Variants in COL25A1 observed in about 807,000 individuals in gnomAD.
COL25A1 encodes the protein collagen type XXV alpha 1 chain.
In COL25A1, 103 loss-of-function variants were observed where a neutral mutation model predicts 128.4. The observed-to-expected ratio is 0.80, with a 90% CI of 0.68 to 0.94. COL25A1 has a LOEUF of 0.94. Ranked by LOEUF, COL25A1 falls within the 40% of genes least tolerant of loss-of-function variation. The probability of loss-of-function intolerance (pLI) is 0.00; values close to 1 mark genes in which losing one functional copy is unlikely to be tolerated. For synonymous variants in COL25A1, 279 were observed against 277.2 expected, an observed-to-expected ratio of 1.01 and a Z score of -0.06; for missense variants, 745 against 840.0, an observed-to-expected ratio of 0.89 and a Z score of 1.40.
At position 109,051,616 on chromosome 4, in the gene COL25A1, T is replaced by TACACACACACACAC. The variant is rs757614145; in HGVS notation, c.368-1438_368-1437insGTGTGTGTGTGTGT. Among the ~76,000 whole-genome samples, 315 of 112,424 alleles carry TACACACACACACAC rather than the reference T, an allele frequency of 2.8e-3. 2 individuals carry two copies. The highest frequency in any genetic ancestry group is 9.1e-3 in the Middle Eastern group (2 of 220). The allele number at this position is 112,424 out of a possible 152,430, so 73.8% of individuals were successfully genotyped here. On this transcript the variant is annotated intron_variant, in intron 3 of 37. Transcript: ENST00000399132. ...GTTAATACATCTGTTCAAACACACATACATACACACACACACACACACACA... is the reference window on the plus strand; with the variant it reads ...GTTAATACATCTGTTCAAACACACATACACACACACACACACATACACACACACACACACACACA...
intron 19 of COL25A1, among the ~76,000 whole-genome samples, chr4:108,882,321 T>C (rs2125831964): frequency 6.6e-6 from 1 of 151,586 alleles, no homozygotes; most frequent in East Asian, 2.0e-4. Flanking sequence ...ACTCTCTCTC[T>C]CCAAGAAAGT....
At chr4:109,161,894 G>A in intron 3 of COL25A1, among the ~76,000 whole-genome samples, 1 of 152,172 alleles carries the variant, frequency 6.6e-6, no homozygotes, top group Admixed American at 6.6e-5. Context: ...CTAGAGTAAG[G>A]TATGAAGAAG....
At chr4:109,202,725 T>C (rs1776658978) in intron 3 of COL25A1, among the ~76,000 whole-genome samples, 1 of 152,192 alleles carries the variant, frequency 6.6e-6, no homozygotes, top group Admixed American at 6.5e-5. Context: ...AAATAGATTA[T>C]CTATCGATCA....
chr4:109,271,072 G>A (rs1782164557), intron 3 of COL25A1, among the ~76,000 whole-genome samples: 1 of 152,134 alleles, frequency 6.6e-6, no homozygotes, highest in African/African-American at 2.4e-5. Flanking sequence ...GGTCTGTCTG[G>A]TTCCAAAGCC....
chr4:108,835,020 A>G (rs978552611), intron 31 of COL25A1, among the ~76,000 whole-genome samples: 1 of 152,210 alleles, frequency 6.6e-6, no homozygotes, highest in Admixed American at 6.5e-5. Flanking sequence ...AAAAAGCCAG[A>G]AAACAATGTG....
At chr4:108,974,100 A>T (rs945254537) in intron 8 of COL25A1, among the ~76,000 whole-genome samples, 7 of 152,218 alleles carry the variant, frequency 4.6e-5, no homozygotes, top group African/African-American at 1.7e-4. Flanking sequence ...GGTGGCTGCT[A>T]TTGATTCTTA....
At chr4:108,964,131 T>G (rs1006653221) in intron 8 of COL25A1, among the ~76,000 whole-genome samples, 4 of 150,254 alleles carry the variant, frequency 2.7e-5, no homozygotes, top group Non-Finnish European at 4.4e-5. Context: ...AATAAGAAAA[T>G]TAATTAAAAT....
At chr4:109,293,462 C>A (rs894581721) in intron 3 of COL25A1, among the ~76,000 whole-genome samples, 4 of 152,062 alleles carry the variant, frequency 2.6e-5, no homozygotes, top group Non-Finnish European at 4.4e-5. Context: ...GATTCTGACT[C>A]TCAATATTAC....
chr4:109,036,489 A>G (rs745588810), intron 5 of COL25A1, among the ~76,000 whole-genome samples: 4 of 152,248 alleles, frequency 2.6e-5, no homozygotes, highest in Non-Finnish European at 2.9e-5. Context: ...TGAAGATTCA[A>G]TGATTAGAGG....
intron 33 of COL25A1, 60 bp from the exon 34 acceptor site, chr4:108,825,282 T>C: frequency 7.4e-7 from 1 of 1,357,074 alleles, no homozygotes; most frequent in Non-Finnish European, 1.1e-6. Context: ...AGATTATTGC[T>C]TTATTTAAGG....
At position 109,006,378 on chromosome 4, in the gene COL25A1, A is replaced by ATTTTTTTTTTTTTTTTTTTTT. The variant is rs56845799; in HGVS notation, c.438+3959_438+3979dup. On this transcript the variant is annotated intron_variant, in intron 6 of 37. Transcript: ENST00000399132. ...AGGTGTGCACTGCCACACCCAGCTAATTTTTTTTTTTTTTTTTTTTTTTTT... is the reference window on the plus strand; with the variant it reads ...AGGTGTGCACTGCCACACCCAGCTAATTTTTTTTTTTTTTTTTTTTTTTTTTTTTTTTTTTTTTTTTTTTTT... Among the ~76,000 whole-genome samples the ATTTTTTTTTTTTTTTTTTTTT allele has an allele frequency of 3.9e-4, 20 of 51,872 alleles. 1 individual carries two copies. Among genetic ancestry groups the ATTTTTTTTTTTTTTTTTTTTT allele is most frequent in the African/African-American group, 7.0e-4 (9 of 12,766 alleles). The allele number at this position is 51,872 out of a possible 152,430, so 34.0% of individuals were successfully genotyped here. A position where few individuals can be genotyped will look rare whatever the true frequency, so the allele number is the denominator to read the frequency against.
At chr4:109,038,674 G>C (rs1759579507) in intron 5 of COL25A1, among the ~76,000 whole-genome samples, 1 of 152,290 alleles carries the variant, frequency 6.6e-6, no homozygotes, top group Non-Finnish European at 1.5e-5. Context: ...AGAAGAGTTT[G>C]GTGGCTCTCA....
chr4:108,897,665 A>G (rs1742304919), intron 15 of COL25A1, among the ~76,000 whole-genome samples: 1 of 152,244 alleles, frequency 6.6e-6, no homozygotes, highest in Admixed American at 6.5e-5. Flanking sequence ...AATGATAACA[A>G]TGCATTACTA....
intron 3 of COL25A1, among the ~76,000 whole-genome samples, chr4:109,179,612 C>T (rs1378514616): frequency 2.0e-5 from 3 of 152,182 alleles, no homozygotes; most frequent in Admixed American, 1.3e-4. Context: ...AACACTTAAA[C>T]ACCTGTCTTA....
chr4:109,005,028 T>C (rs1451362344), intron 6 of COL25A1, among the ~76,000 whole-genome samples: 1 of 152,206 alleles, frequency 6.6e-6, no homozygotes, highest in Non-Finnish European at 1.5e-5. Context: ...ATTCTTGCAC[T>C]GCTGTAAAGA....
At chr4:109,106,049 A>G (rs1483395320) in intron 3 of COL25A1, among the ~76,000 whole-genome samples, 1 of 152,218 alleles carries the variant, frequency 6.6e-6, no homozygotes, top group Non-Finnish European at 1.5e-5. Context: ...TGCTTTCTAC[A>G]TTTTCAGTAT....
At chr4:108,972,797 T>G (rs1752050234) in intron 8 of COL25A1, among the ~76,000 whole-genome samples, 1 of 152,188 alleles carries the variant, frequency 6.6e-6, no homozygotes, top group African/African-American at 2.4e-5. Context: ...TCGAAGTAGT[T>G]CATGAACTTT....
intron 5 of COL25A1, among the ~76,000 whole-genome samples, chr4:109,047,373 C>A (rs962778092): frequency 2.0e-5 from 3 of 152,022 alleles, no homozygotes; most frequent in African/African-American, 7.3e-5. Context: ...GTGATCATAT[C>A]AAAAATAAAC....
intron 3 of COL25A1, among the ~76,000 whole-genome samples, chr4:109,212,939 A>C (rs758928625): frequency 6.6e-6 from 1 of 152,112 alleles, no homozygotes; most frequent in African/African-American, 2.4e-5. Context: ...CTTGTTCTTC[A>C]CCACATATAT....
Sources: gnomAD v4.1 joint callset for allele counts (sites outside exome capture counted in the v4.1 genomes callset) on GRCh38, gnomAD v4.1.1 for gene constraint, MANE v1.5 for transcripts, NCBI Gene and HGNC (gene_info 2026-07-23, HGNC 2026-07-21) for gene names.